The following CROCC2 variants were observed in gnomAD, a reference collection of about 807,000 sequenced individuals.
CROCC2 encodes the protein ciliary rootlet coiled-coil protein 2.
A neutral mutation model predicts 177.6 loss-of-function variants in CROCC2; 163 were observed. That is an observed-to-expected ratio of 0.92 (90% CI 0.81 to 1.05). CROCC2 has a LOEUF of 1.05. CROCC2 is among the 50% of genes least tolerant of loss of function. CROCC2 has a pLI of 0.00. For missense variants in CROCC2, 1,929 were observed against 1,797.8 expected, an observed-to-expected ratio of 1.07 and a Z score of -1.32; for synonymous variants, 904 against 787.3, an observed-to-expected ratio of 1.15 and a Z score of -2.48.
chr2:240,922,486 TGCCTGGCGGGTTCAGGAGCA>T (rs2059362721), intron 3 of CROCC2, 33 bp from the exon 4 acceptor site: 2 of 653,076 alleles, frequency 3.1e-6, no homozygotes, highest in African/African-American at 3.7e-5. Flanking sequence ...CCCCAGCCCC[TGCCTGGCGGGTTCAGGAGCA>T]GCCAGACCAG....
intron 6 of CROCC2, 84 bp downstream of exon 6, chr2:240,930,353 A>G (rs1009819625): frequency 2.2e-6 from 1 of 454,096 alleles, no homozygotes; most frequent in Non-Finnish European, 4.0e-6. Flanking sequence ...ATCGGTGCCC[A>G]GGGCGGGCTC....
intron 14 of CROCC2, among the ~76,000 whole-genome samples, chr2:240,939,028 C>A (rs566099867): frequency 1.3e-5 from 2 of 152,146 alleles, no homozygotes; most frequent in Non-Finnish European, 2.9e-5. Flanking sequence ...GCACTAAGAC[C>A]TGCAGAACAA....
Position 240,934,393 on chromosome 2 carries a change from T to A in CROCC2, c.1709T>A (p.Val570Asp), listed in dbSNP as rs1183418113. 3.2e-6 allele frequency: 5 copies of A among 1,548,724 alleles called. No homozygotes were observed. The South Asian group carries it at 6.0e-5, about 18-fold the overall frequency. Reference sequence around the variant, plus strand: ...GGGCTCAGAGAGGAGCTGGCATCGGTCCGGGAGGCACTGAGCACAGCACAG... The same window carrying A: ...GGGCTCAGAGAGGAGCTGGCATCGGACCGGGAGGCACTGAGCACAGCACAG... The part of the protein sequence containing the change: ...VSGLREELAS[V>D]REALSTAQLQ... The change falls in exon 12 of 32, where the codon GTC (valine) becomes GAC (aspartate). Residue 570 changes from valine (V) to aspartate (D), a missense_variant. Coordinates refer to ENST00000690015, the MANE Select transcript of CROCC2 (RefSeq NM_001351305.2).
chr2:240,916,804 C>T (rs2059324538), intron 1 of CROCC2, among the ~76,000 whole-genome samples: 1 of 152,182 alleles, frequency 6.6e-6, no homozygotes, highest in African/African-American at 2.4e-5. Flanking sequence ...CCTTCCCAGT[C>T]TGGGGGATTG....
At chr2:240,945,901 A>G (rs1182099375) in intron 14 of CROCC2, among the ~76,000 whole-genome samples, 159 bp from the exon 15 acceptor site, 3 of 151,730 alleles carry the variant, frequency 2.0e-5, no homozygotes, top group Non-Finnish European at 4.4e-5. Flanking sequence ...AAAAACATAC[A>G]TGTGTTTCTG....
At position 240,970,728 on chromosome 2, in the gene CROCC2, G is replaced by A. The variant is rs549023233; in HGVS notation, c.4401+2466G>A. On this transcript the variant is annotated intron_variant, in intron 27 of 31. Coordinates refer to ENST00000690015, the MANE Select transcript of CROCC2 (RefSeq NM_001351305.2). ...AGGGGGGCTCTGGGCTCTCCTGCCT[G>A]TAGGTTGAACTTCTCTTGGTGTCTG... Among the ~76,000 whole-genome samples, 6 of 152,304 alleles carry A rather than the reference G, an allele frequency of 3.9e-5. No homozygotes were observed. The South Asian group carries it at 1.0e-3, about 26-fold the overall frequency.
At chr2:240,950,593 G>T in intron 18 of CROCC2, 83 bp downstream of exon 18, 1 of 1,437,100 alleles carries the variant, frequency 7.0e-7, no homozygotes. Flanking sequence ...GCTGCATGTG[G>T]CCACACCTTA....
intron 15 of CROCC2, among the ~76,000 whole-genome samples, chr2:240,947,671 G>C (rs1006616384): frequency 6.6e-6 from 1 of 152,186 alleles, no homozygotes; most frequent in African/African-American, 2.4e-5. Flanking sequence ...GCAGCTCCTT[G>C]CTTCTGATGA....
At chr2:240,935,971 T>A (rs1387178608) in intron 14 of CROCC2, among the ~76,000 whole-genome samples, 1 of 152,186 alleles carries the variant, frequency 6.6e-6, no homozygotes, top group Admixed American at 6.5e-5. Context: ...ACTCATTTAT[T>A]CCCAATTTCC....
In CROCC2 at chr2:240,934,488, C is replaced by G. The variant is rs1371922980; in HGVS notation, c.1791+13C>G. 5.8e-6 allele frequency: 9 copies of G among 1,545,038 alleles called. No homozygotes were observed. The highest frequency in any genetic ancestry group is 7.0e-6 in the Non-Finnish European group (8 of 1,145,224). On this transcript the variant is annotated intron_variant, in intron 12 of 31. Transcript: ENST00000690015. ...CGCCCTGGCGCGGGTACACTCTGCT[C>G]CCCACAACCCCGCCCCCTCTCCTGT...
rs1199067032 is a variant in CROCC2, at chr2:240,917,196, C to T, written c.79-1530C>T. Among the ~76,000 whole-genome samples, 1 of 151,840 alleles carries T rather than the reference C, an allele frequency of 6.6e-6. No individual in the cohort carries two copies. The highest frequency in any genetic ancestry group is 1.9e-4 in the East Asian group (1 of 5,140). ...CAGACCTCAGCTGATAGTGGGGAGG[C>T]GTTTGCTGAGTGGCTGCCCTTTGCA... On this transcript the variant is annotated intron_variant, in intron 1 of 31. Transcript: ENST00000690015. The surrounding 1 kb of genome is among the most constrained non-coding windows in gnomAD (Gnocchi z 4.9).
At chr2:240,992,505 A>G (rs1301017861) in intron 31 of CROCC2, among the ~76,000 whole-genome samples, 3 of 152,256 alleles carry the variant, frequency 2.0e-5, no homozygotes, top group East Asian at 1.9e-4. Flanking sequence ...TGCAAAATCA[A>G]TAACTCAAGA....
rs958475704 is a variant in CROCC2, at chr2:240,973,137, T to A, written c.4401+4875T>A. Among the ~76,000 whole-genome samples, 10 of 152,224 alleles carry A rather than the reference T, an allele frequency of 6.6e-5. No homozygotes were observed. Among genetic ancestry groups the A allele is most frequent in the Admixed American group, 5.9e-4 (9 of 15,284 alleles). ...TTCATGGGTTGGTTTTTCCCCTGTT[T>A]CACATAAGCCGATGTGTTTGTCAAG... On this transcript the variant is annotated intron_variant, in intron 27 of 31. Coordinates refer to ENST00000690015, the MANE Select transcript of CROCC2 (RefSeq NM_001351305.2). The surrounding 1 kb of genome is among the most constrained non-coding windows in gnomAD (Gnocchi z 4.7).
In CROCC2 at chr2:240,991,242, A is replaced by C. The variant is rs1248422419; in HGVS notation, c.4910A>C (p.Gln1637Pro). ...EQLDQEVQWR[Q>P]QAHLGQAFQT... The stretch of plus-strand genomic sequence containing the variant: ...CTGGACCAGGAAGTGCAGTGGCGGC[A>C]ACAGGCCCACCTCGGCCAGGCCTTC... The change falls in exon 31 of 32, where the codon CAA (glutamine) becomes CCA (proline). Residue 1637 changes from glutamine to proline, a missense_variant. By Grantham distance (76) the Gln-to-Pro change is moderately conservative. Coordinates refer to ENST00000690015, the MANE Select transcript of CROCC2 (RefSeq NM_001351305.2). 11 of 1,547,352 alleles carry C rather than the reference A, an allele frequency of 7.1e-6. No individual in the cohort carries two copies. The Admixed American group carries it at 9.9e-5, about 14-fold the overall frequency.
chr2:240,930,966 C>A lies in CROCC2; in HGVS notation c.785C>A (p.Thr262Lys). 1 of 715,068 alleles carries A rather than the reference C, an allele frequency of 1.4e-6. No individual in the cohort carries two copies. The highest frequency in any genetic ancestry group is 2.7e-5 in the East Asian group (1 of 37,274). The allele number at this position is 715,068 out of a possible 1,614,324, so 44.3% of individuals were successfully genotyped here. A position where few individuals can be genotyped will look rare whatever the true frequency, so the allele number is the denominator to read the frequency against. ...LADLQADTAR[T>K]ARRLHTACLN... ...GACCTGCAGGCAGACACGGCCAGGA[C>A]AGCCCGCCGCCTGCACACCGCCTGC... The change falls in exon 7 of 32, where the codon ACA becomes AAA. Residue 262 changes from threonine (T) to lysine (K), a missense_variant. Around this residue, in one of 3 missense-constraint regions of CROCC2, gnomAD observed 1,397 missense variants for 1,239.9 expected, o/e 1.13. Transcript: ENST00000690015.
intron 5 of CROCC2, among the ~76,000 whole-genome samples, chr2:240,929,420 G>A (rs1574755247): frequency 1.3e-5 from 2 of 152,242 alleles, no homozygotes; most frequent in South Asian, 2.1e-4. Context: ...GGCCTAGAAG[G>A]TGGTGTGGAG....
rs893396565 is a variant in CROCC2, at chr2:240,949,281, C to A, written c.2482+184C>A. ...CCCTCGCCCATGAGGAGCAGCAACACCCTGCCCAGGCTGCACCTGGTGCCA... is the reference window on the plus strand; with the variant it reads ...CCCTCGCCCATGAGGAGCAGCAACAACCTGCCCAGGCTGCACCTGGTGCCA... On this transcript the variant is annotated intron_variant, in intron 16 of 31. Transcript: ENST00000690015. This position sits in a 1 kb window ranked among gnomAD's most constrained non-coding sequence, Gnocchi z 4.5. 2 of 825,312 alleles carry A rather than the reference C, an allele frequency of 2.4e-6. No homozygotes were observed. Among genetic ancestry groups the A allele is most frequent in the Non-Finnish European group, 2.9e-6 (2 of 683,666 alleles). 51.1% of individuals were successfully genotyped at this position (825,312 alleles called of 1,614,324 possible).
Position 240,948,961 on chromosome 2 carries a change from T to C in CROCC2, c.2364-18T>C. 6.5e-7 allele frequency: 1 copy of C among 1,550,238 alleles called. No homozygotes were observed. Among genetic ancestry groups the C allele is most frequent in the Non-Finnish European group, 8.7e-7 (1 of 1,146,798 alleles). On this transcript the variant is annotated intron_variant, in intron 15 of 31. Transcript: ENST00000690015. The stretch of plus-strand genomic sequence containing the variant: ...GATCTTGGGGATGACTTGCCCATTG[T>C]TTGCTGCATCTTTGCAGGGTGGAGA...
In CROCC2 at chr2:240,993,228, TG is replaced by T; in HGVS notation, c.*148del. 1.7e-6 allele frequency: 1 copy of T among 587,454 alleles called. No homozygotes were observed. The highest frequency in any genetic ancestry group is 2.9e-5 in the East Asian group (1 of 34,324). 36.4% of individuals were successfully genotyped at this position (587,454 alleles called of 1,614,324 possible). On this transcript the variant is annotated 3_prime_UTR_variant, in exon 32 of 32. Transcript: ENST00000690015. ...CTCTCGGCAGTTTCAGGACCCTCCT[TG>T]CCCTGGCTGCTCATGGGGAACATTT...
Sources: allele counts gnomAD v4.1 joint callset (sites outside exome capture counted in the v4.1 genomes callset), GRCh38; gene constraint gnomAD v4.1.1; regional missense constraint gnomAD v4.1.1; non-coding constraint Gnocchi (gnomAD v3.1); transcripts MANE v1.5; gene names NCBI Gene and HGNC (gene_info 2026-07-23, HGNC 2026-07-21).